ZNF385D: variants seen among roughly 807,000 people sequenced by gnomAD.
ZNF385D encodes zinc finger protein 385D, also known as zinc finger protein 659.
Under a neutral mutation model 35.8 loss-of-function variants are expected in ZNF385D, and 15 were observed. The observed-to-expected ratio is 0.42, with a 90% CI of 0.28 to 0.64. The LOEUF (loss-of-function observed/expected upper bound fraction) is 0.64, where lower values mean the gene tolerates loss of function less well. Among genes scored for constraint, ZNF385D ranks in the 30% least tolerant of loss-of-function variants. The pLI is 0.23. For missense variants in ZNF385D, 474 were observed against 494.6 expected (o/e 0.96, Z 0.39); for synonymous variants, 212 against 186.8 (o/e 1.13, Z -1.10).
chr3:22,278,391 C>T (rs571883956), intron 2 of ZNF385D, among the ~76,000 whole-genome samples: 1 of 152,090 alleles, frequency 6.6e-6, no homozygotes, highest in Non-Finnish European at 1.5e-5. Context: ...ATCTGAGCCT[C>T]ATGAAAGAGT....
At chr3:21,654,369 T>C (rs1229841192) in intron 2 of ZNF385D, among the ~76,000 whole-genome samples, 1 of 152,124 alleles carries the variant, frequency 6.6e-6, no homozygotes, top group Non-Finnish European at 1.5e-5. Context: ...TTTACTCTAC[T>C]ACTGTCTTGA....
intron 1 of ZNF385D, among the ~76,000 whole-genome samples, chr3:21,714,919 T>G (rs1001963996): frequency 4.6e-5 from 7 of 152,288 alleles, no homozygotes; most frequent in African/African-American, 1.4e-4. Flanking sequence ...GATGAACGTA[T>G]ACATCATCTC....
At chr3:21,797,207 C>T (rs2072192934) in intron 3 of ZNF385D, among the ~76,000 whole-genome samples, 1 of 152,122 alleles carries the variant, frequency 6.6e-6, no homozygotes, top group Non-Finnish European at 1.5e-5. Flanking sequence ...AGAATACATA[C>T]AAATGACAAA....
At chr3:21,631,221 A>G (rs529052346) in intron 2 of ZNF385D, among the ~76,000 whole-genome samples, 1 of 152,112 alleles carries the variant, frequency 6.6e-6, no homozygotes, top group Non-Finnish European at 1.5e-5. Flanking sequence ...GAACAGTAGC[A>G]TCTGGCTCCT....
chr3:21,742,518 C>T (rs1337746019), intron 1 of ZNF385D, among the ~76,000 whole-genome samples: 1 of 152,328 alleles, frequency 6.6e-6, no homozygotes, highest in Non-Finnish European at 1.5e-5. Context: ...CTAAAGCCTG[C>T]AGGATACATT....
intron 1 of ZNF385D, among the ~76,000 whole-genome samples, chr3:21,665,492 G>C (rs1419492288): frequency 6.6e-6 from 1 of 152,152 alleles, no homozygotes; most frequent in Non-Finnish European, 1.5e-5. Flanking sequence ...AAGATTACAT[G>C]AACTTGGCAC....
At chr3:21,788,554 C>T (rs757499138) in intron 3 of ZNF385D, among the ~76,000 whole-genome samples, 1 of 152,204 alleles carries the variant, frequency 6.6e-6, no homozygotes, top group Non-Finnish European at 1.5e-5. Flanking sequence ...CCTGAAACCA[C>T]GTAGCTTTTC....
At chr3:21,777,152 GT>G (rs1424944141) in intron 3 of ZNF385D, among the ~76,000 whole-genome samples, 1 of 151,894 alleles carries the variant, frequency 6.6e-6, no homozygotes, top group African/African-American at 2.4e-5. Flanking sequence ...TCCCCAGTAG[GT>G]TTTGAGGGAC....
chr3:21,840,578 TA>T (rs63247562), intron 3 of ZNF385D, among the ~76,000 whole-genome samples: 94,598 of 151,688 alleles, frequency 0.62, 30,088 homozygotes, highest in African/African-American at 0.74. Flanking sequence ...GTTTTGTTTT[TA>T]ATCCAACGTT....
intron 3 of ZNF385D, among the ~76,000 whole-genome samples, chr3:22,090,809 G>C (rs1470262819): frequency 1.3e-5 from 2 of 152,154 alleles, no homozygotes; most frequent in East Asian, 1.9e-4. Context: ...AGTAGAAGTA[G>C]CTTGCTCTCC....
Position 21,425,685 on chromosome 3 carries a change from G to GAATGA in ZNF385D, c.674-16_674-15insTCATT, listed in dbSNP as rs1299625705. On this transcript the variant is annotated splice_polypyrimidine_tract_variant and intron_variant, in intron 5 of 7. Coordinates refer to ENST00000281523, the MANE Select transcript of ZNF385D (RefSeq NM_024697.3). Reference sequence around the variant, plus strand: ...GTGCTTAGTACCTGTCAGGAATATTGAAATGAAGGAAGGAAAGGAGGGAGG... The same window carrying GAATGA: ...GTGCTTAGTACCTGTCAGGAATATTGAATGAAAATGAAGGAAGGAAAGGAGGGAGG... The GAATGA allele has an allele frequency of 1.3e-6, 2 of 1,484,368 alleles. No individual in the cohort carries two copies. Among genetic ancestry groups the GAATGA allele is most frequent in the Non-Finnish European group, 1.8e-6 (2 of 1,107,230 alleles). 91.9% of individuals were successfully genotyped at this position (1,484,368 alleles called of 1,614,324 possible). A position where few individuals can be genotyped will look rare whatever the true frequency, so the allele number is the denominator to read the frequency against.
At chr3:21,837,059 TA>T (rs999686675) in intron 3 of ZNF385D, among the ~76,000 whole-genome samples, 1 of 152,102 alleles carries the variant, frequency 6.6e-6, no homozygotes, top group Non-Finnish European at 1.5e-5. Flanking sequence ...TATGTATCCT[TA>T]AAGCTCTTTA....
At position 22,184,556 on chromosome 3, in the gene ZNF385D, T is replaced by C. The variant is rs545404750; in HGVS notation, c.107-15521A>G. Among the ~76,000 whole-genome samples the C allele has an allele frequency of 2.4e-4, 37 of 152,202 alleles. 1 individual carries two copies. The South Asian group carries it at 7.3e-3, about 30-fold the overall frequency. ...GATAGACAAACGGGGCCAGGTACAGTGGCTCATGCCTGTAATCCCAGCACT... is the reference window on the plus strand; with the variant it reads ...GATAGACAAACGGGGCCAGGTACAGCGGCTCATGCCTGTAATCCCAGCACT... On this transcript the variant is annotated intron_variant, in intron 2 of 5. Coordinates refer to the ZNF385D transcript ENST00000494108.
intron 3 of ZNF385D, among the ~76,000 whole-genome samples, chr3:22,023,677 C>G (rs529471633): frequency 1.5e-4 from 22 of 151,684 alleles, no homozygotes; most frequent in Non-Finnish European, 3.1e-4. Context: ...TTTTATCAAA[C>G]TGATGATTCA....
chr3:21,669,181 A>G (rs2066488952), intron 1 of ZNF385D, among the ~76,000 whole-genome samples: 1 of 152,214 alleles, frequency 6.6e-6, no homozygotes, highest in Non-Finnish European at 1.5e-5. Context: ...CAGAGAAGTT[A>G]CTATCTCTAC....
At chr3:22,349,513 A>C (rs1368855215) in intron 2 of ZNF385D, among the ~76,000 whole-genome samples, 1 of 152,242 alleles carries the variant, frequency 6.6e-6, no homozygotes, top group Non-Finnish European at 1.5e-5. Flanking sequence ...CGTACTGAAC[A>C]TTTACTCTTC....
chr3:21,573,404 A>G (rs1002347664), intron 2 of ZNF385D, among the ~76,000 whole-genome samples: 4 of 152,240 alleles, frequency 2.6e-5, no homozygotes, highest in African/African-American at 9.6e-5. Context: ...AAATCTTGAC[A>G]TTAGGTACTG....
At chr3:21,464,028 G>T (rs532171251) in intron 4 of ZNF385D, among the ~76,000 whole-genome samples, 64 of 152,174 alleles carry the variant, frequency 4.2e-4, no homozygotes, top group African/African-American at 1.3e-3. Context: ...TGAGGTAAAT[G>T]CTGCATACAA....
At chr3:22,007,175 T>C (rs1418240031) in intron 3 of ZNF385D, among the ~76,000 whole-genome samples, 1 of 152,204 alleles carries the variant, frequency 6.6e-6, no homozygotes, top group Non-Finnish European at 1.5e-5. Context: ...TTTTCATCCA[T>C]ACCTATTAAT....
Sources: gnomAD v4.1 joint callset for allele counts (sites outside exome capture counted in the v4.1 genomes callset) on GRCh38, gnomAD v4.1.1 for gene constraint, MANE v1.5 for transcripts, NCBI Gene and HGNC (gene_info 2026-07-23, HGNC 2026-07-21) for gene names.